Variants in SCUBE3 observed in about 807,000 individuals in gnomAD.
SCUBE3 encodes the protein signal peptide, CUB and EGF-like domain-containing protein 3.
SCUBE3 carries 33 observed loss-of-function variants against 116.8 expected under a neutral mutation model. The observed-to-expected ratio is 0.28, with a 90% CI of 0.21 to 0.38. SCUBE3 has a LOEUF of 0.38. Ranked by LOEUF, SCUBE3 falls within the 10% of genes least tolerant of loss-of-function variation. The probability of loss-of-function intolerance (pLI) is 1.00; values close to 1 mark genes in which losing one functional copy is unlikely to be tolerated. For synonymous variants in SCUBE3, 418 were observed against 496.9 expected (o/e 0.84, Z 2.11); for missense variants, 1,007 against 1,324.8 (o/e 0.76, Z 3.72).
rs756347050 is a variant in SCUBE3 at position 35,241,107 on chromosome 6, CGTT to C, written c.1070-30_1070-28del. The C allele has an allele frequency of 2.6e-6, 4 of 1,563,148 alleles. No individual in the cohort carries two copies. In the African/African-American group the frequency reaches 5.4e-5, roughly 21 times the overall value. ...TCTCCGGCTCCTCCTCCAACTCCAT[CGTT>C]GTTTTTCTGTCTCCCTACTCCTTCC... On this transcript the variant is annotated intron_variant, in intron 9 of 21. Transcript: ENST00000274938. The surrounding 1 kb of genome is among the most constrained non-coding windows in gnomAD (Gnocchi z 4.1).
At position 35,214,439 on chromosome 6, in the gene SCUBE3, C is replaced by G. The variant is rs750188435; in HGVS notation, c.21C>G (p.Pro7=). 6.7e-7 allele frequency: 1 copy of G among 1,484,568 alleles called. No homozygotes were observed. Among genetic ancestry groups the G allele is most frequent in the East Asian group, 2.9e-5 (1 of 34,638 alleles). The allele number at this position is 1,484,568 out of a possible 1,614,324, so 92.0% of individuals were successfully genotyped here. Residue 7 remains proline, a synonymous_variant, in exon 1 of 22, where the codon CCC becomes CCG. Coordinates refer to ENST00000274938, the MANE Select transcript of SCUBE3 (RefSeq NM_152753.4). The surrounding 1 kb of genome is among the most constrained non-coding windows in gnomAD (Gnocchi z 6.3). MGSGRV[P]GLCLLVLLVH... ...CAGCCATGGGCTCGGGGCGCGTACCCGGGCTCTGCCTGCTTGTCCTGCTGG... is the reference window on the plus strand; with the variant it reads ...CAGCCATGGGCTCGGGGCGCGTACCGGGGCTCTGCCTGCTTGTCCTGCTGG...
In SCUBE3 at chr6:35,241,766, G is replaced by A. The variant is rs1704972085; in HGVS notation, c.1313-40G>A. On this transcript the variant is annotated intron_variant, in intron 11 of 21. Transcript: ENST00000274938. This position sits in a 1 kb window ranked among gnomAD's most constrained non-coding sequence, Gnocchi z 4.1. ...TGGATTCCTCCAGCCAGCGGGGGTT[G>A]GGAAGGCAGGTCAGAACTGTGACAG... 1 of 1,558,634 alleles carries A rather than the reference G, an allele frequency of 6.4e-7. No homozygotes were observed. Among genetic ancestry groups the A allele is most frequent in the African/African-American group, 1.4e-5 (1 of 73,870 alleles).
At position 35,252,645 on chromosome 6, in the gene SCUBE3, T is replaced by C. The variant is rs1191907280; in HGVS notation, c.*3940T>C. On this transcript the variant is annotated 3_prime_UTR_variant, in exon 22 of 22. Coordinates refer to ENST00000274938, the MANE Select transcript of SCUBE3 (RefSeq NM_152753.4). ...AGTGGGAGCGAACAACACAAGGATA[T>C]TTTTACATTTGACCCGTCTCAAAAG... 6.6e-6 allele frequency: 1 copy of C among 152,232 alleles called. No homozygotes were observed. The highest frequency in any genetic ancestry group is 2.4e-5 in the African/African-American group (1 of 41,468). 9.4% of individuals were successfully genotyped at this position (152,232 alleles called of 1,614,324 possible).
At position 35,240,170 on chromosome 6, in the gene SCUBE3, G is replaced by C. The variant is rs1315393622; in HGVS notation, c.953-204G>C. 6.6e-6 allele frequency among the ~76,000 whole-genome samples: 1 copy of C among 152,118 alleles called. No homozygotes were observed. The highest frequency in any genetic ancestry group is 1.5e-5 in the Non-Finnish European group (1 of 68,038). ...CCCTGACCTAAAGGCACCAGATCTT[G>C]CAGTTCCTAATTCCAAGGACTTCAA... On this transcript the variant is annotated intron_variant, in intron 8 of 21. Transcript: ENST00000274938. This position sits in a 1 kb window ranked among gnomAD's most constrained non-coding sequence, Gnocchi z 4.6.
intron 12 of SCUBE3, 82 bp from the exon 13 acceptor site, chr6:35,242,122 A>C (rs1394244868): frequency 1.9e-6 from 2 of 1,043,098 alleles, no homozygotes; most frequent in East Asian, 4.8e-5. Flanking sequence ...CTGGCTTATT[A>C]CCCAGCTTCT....
intron 1 of SCUBE3, among the ~76,000 whole-genome samples, chr6:35,217,148 A>G (rs113738673): frequency 0.013 from 1,855 of 147,926 alleles, 50 homozygotes; most frequent in African/African-American, 0.043. Flanking sequence ...AAGTAGACAG[A>G]CTGGATAACC....
intron 1 of SCUBE3, chr6:35,221,202 G>A (rs1459339990): frequency 6.6e-6 from 1 of 152,182 alleles, no homozygotes; most frequent in African/African-American, 2.4e-5. Context: ...ATCTGTTGAA[G>A]GGGATGCTCT....
intron 14 of SCUBE3, 46 bp downstream of exon 14, chr6:35,242,826 A>C (rs1290216958): frequency 6.3e-7 from 1 of 1,599,852 alleles, no homozygotes; most frequent in Non-Finnish European, 8.6e-7. Context: ...AGGGGAGGGC[A>C]GAGGTGGGGA....
In SCUBE3 at chr6:35,214,514, A is replaced by G; in HGVS notation, c.85+11A>G. 1 of 1,463,558 alleles carries G rather than the reference A, an allele frequency of 6.8e-7. No individual in the cohort carries two copies. The highest frequency in any genetic ancestry group is 9.0e-7 in the Non-Finnish European group (1 of 1,106,036). 90.7% of individuals were successfully genotyped at this position (1,463,558 alleles called of 1,614,324 possible). On this transcript the variant is annotated intron_variant, in intron 1 of 21. Coordinates refer to ENST00000274938, the MANE Select transcript of SCUBE3 (RefSeq NM_152753.4). This position sits in a 1 kb window ranked among gnomAD's most constrained non-coding sequence, Gnocchi z 6.3. ...GCAAAGCCGCGCAAGGTAAGGAAGG[A>G]GGGGCGCGCGGCCTGGGGGCTGTCC...
Position 35,243,312 on chromosome 6 carries a change from G to A in SCUBE3, c.1909+76G>A, listed in dbSNP as rs1319324593. ...CTGACTCAGAGCAGGACCCTTTGTG[G>A]CCTCAGATGCATTTCTCAAATTATG... is the stretch of plus-strand genomic sequence containing the variant. On this transcript the variant is annotated intron_variant, in intron 15 of 21. Coordinates refer to ENST00000274938, the MANE Select transcript of SCUBE3 (RefSeq NM_152753.4). The surrounding 1 kb of genome is among the most constrained non-coding windows in gnomAD (Gnocchi z 6.6). 6.4e-6 allele frequency: 8 copies of A among 1,247,132 alleles called. No homozygotes were observed. The highest frequency in any genetic ancestry group is 8.1e-6 in the Non-Finnish European group (7 of 867,018). 77.3% of individuals were successfully genotyped at this position (1,247,132 alleles called of 1,614,324 possible).
Position 35,214,564 on chromosome 6 carries a change from G to A in SCUBE3, c.85+61G>A. On this transcript the variant is annotated intron_variant, in intron 1 of 21. Coordinates refer to ENST00000274938, the MANE Select transcript of SCUBE3 (RefSeq NM_152753.4). The surrounding 1 kb of genome is among the most constrained non-coding windows in gnomAD (Gnocchi z 6.3). Reference sequence around the variant, plus strand: ...CTGGCTGCTGGGCCTCAGGGCCTAGGAGCGATTCCCGAGGGGCAGGGCAGG... The same window carrying A: ...CTGGCTGCTGGGCCTCAGGGCCTAGAAGCGATTCCCGAGGGGCAGGGCAGG... 8.9e-7 allele frequency: 1 copy of A among 1,122,136 alleles called. No homozygotes were observed. Among genetic ancestry groups the A allele is most frequent in the Non-Finnish European group, 1.2e-6 (1 of 834,988 alleles). The allele number at this position is 1,122,136 out of a possible 1,614,324, so 69.5% of individuals were successfully genotyped here. A position where few individuals can be genotyped will look rare whatever the true frequency, so the allele number is the denominator to read the frequency against.
In SCUBE3 at chr6:35,248,654, C is replaced by T; in HGVS notation, c.2931C>T (p.Phe977=). The T allele has an allele frequency of 6.2e-7, 1 of 1,614,092 alleles. No homozygotes were observed. The highest frequency in any genetic ancestry group is 8.5e-7 in the Non-Finnish European group (1 of 1,179,984). The part of the protein sequence containing the change: ...EKHKEMLPKS[F]IKLLRSKVSS... ...ACAAGGAGATGCTGCCAAAATCCTT[C>T]ATCAAGCTGCTCCGCTCCAAAGTTT... The change falls in exon 22 of 22, where the codon TTC becomes TTT. Residue 977 remains phenylalanine, a synonymous_variant. Coordinates refer to ENST00000274938, the MANE Select transcript of SCUBE3 (RefSeq NM_152753.4).
In SCUBE3 at chr6:35,239,618, A is replaced by G. The variant is rs1366290066; in HGVS notation, c.830-134A>G. On this transcript the variant is annotated intron_variant, in intron 7 of 21. Transcript: ENST00000274938. This position sits in a 1 kb window ranked among gnomAD's most constrained non-coding sequence, Gnocchi z 4.1. Reference sequence around the variant, plus strand: ...AGGAAAGAGAAAGAGAAAGAGACAGAGAGAGATCAAGAAGAGGCAGGCCCA... The same window carrying G: ...AGGAAAGAGAAAGAGAAAGAGACAGGGAGAGATCAAGAAGAGGCAGGCCCA... The G allele has an allele frequency of 5.5e-6, 4 of 729,594 alleles. No homozygotes were observed. The highest frequency in any genetic ancestry group is 9.3e-6 in the Non-Finnish European group (4 of 430,582). The allele number at this position is 729,594 out of a possible 1,614,324, so 45.2% of individuals were successfully genotyped here. A position where few individuals can be genotyped will look rare whatever the true frequency, so the allele number is the denominator to read the frequency against.
In SCUBE3 at chr6:35,244,584, C is replaced by T. The variant is rs886510278; in HGVS notation, c.2240-66C>T. The T allele has an allele frequency of 1.3e-5, 17 of 1,284,414 alleles. No homozygotes were observed. In the African/African-American group the frequency reaches 1.9e-4, roughly 14 times the overall value. The allele number at this position is 1,284,414 out of a possible 1,614,324, so 79.6% of individuals were successfully genotyped here. The stretch of plus-strand genomic sequence containing the variant: ...TTCTCCAGGATGAATGTATCCTGTC[C>T]ATCCCATGCCCCGTAACTCCCACCT... On this transcript the variant is annotated intron_variant, in intron 17 of 21. Coordinates refer to ENST00000274938, the MANE Select transcript of SCUBE3 (RefSeq NM_152753.4). This position sits in a 1 kb window ranked among gnomAD's most constrained non-coding sequence, Gnocchi z 4.3.
Position 35,246,115 on chromosome 6 carries a change from T to C in SCUBE3, c.2752+19T>C, listed in dbSNP as rs548000285. 6.2e-7 allele frequency: 1 copy of C among 1,613,134 alleles called. No individual in the cohort carries two copies. The highest frequency in any genetic ancestry group is 1.3e-5 in the African/African-American group (1 of 74,780). On this transcript the variant is annotated intron_variant, in intron 20 of 21. Coordinates refer to ENST00000274938, the MANE Select transcript of SCUBE3 (RefSeq NM_152753.4). ...TATGATGGTAAGCCAAGGAGGTGGG[T>C]GAGAAGGGGAGGTATGTCAGTTTTG...
intron 1 of SCUBE3, among the ~76,000 whole-genome samples, chr6:35,215,154 C>T (rs1268467724): frequency 1.3e-5 from 2 of 152,130 alleles, no homozygotes; most frequent in Non-Finnish European, 2.9e-5. Context: ...GCTTTCATTT[C>T]TTATCATAAT....
At chr6:35,225,357 G>A (rs896465920) in intron 1 of SCUBE3, among the ~76,000 whole-genome samples, 1 of 152,216 alleles carries the variant, frequency 6.6e-6, no homozygotes, top group Admixed American at 6.5e-5. Context: ...ACATTTCTTT[G>A]TACTGTTTTC....
Position 35,231,577 on chromosome 6 carries a change from T to C in SCUBE3, c.335-148T>C, listed in dbSNP as rs570268267. ...CAGCCTTTTTACACTTAGTGAAATA[T>C]TAGCTGACAAGGGTGTGAGGACTTC... On this transcript the variant is annotated intron_variant, in intron 3 of 21. Coordinates refer to ENST00000274938, the MANE Select transcript of SCUBE3 (RefSeq NM_152753.4). The surrounding 1 kb of genome is among the most constrained non-coding windows in gnomAD (Gnocchi z 4.2). The C allele has an allele frequency of 6.8e-5, 38 of 562,742 alleles. No homozygotes were observed. In the African/African-American group the frequency reaches 7.0e-4, roughly 10 times the overall value. The allele number at this position is 562,742 out of a possible 1,614,324, so 34.9% of individuals were successfully genotyped here. A position where few individuals can be genotyped will look rare whatever the true frequency, so the allele number is the denominator to read the frequency against.
Position 35,241,124 on chromosome 6 carries a change from C to T in SCUBE3, c.1070-17C>T. ...AACTCCATCGTTGTTTTTCTGTCTC[C>T]CTACTCCTTCCCCCAGATGTGGATG... On this transcript the variant is annotated splice_polypyrimidine_tract_variant and intron_variant, in intron 9 of 21. Coordinates refer to ENST00000274938, the MANE Select transcript of SCUBE3 (RefSeq NM_152753.4). This position sits in a 1 kb window ranked among gnomAD's most constrained non-coding sequence, Gnocchi z 4.1. The T allele has an allele frequency of 6.3e-7, 1 of 1,580,052 alleles. No homozygotes were observed. The highest frequency in any genetic ancestry group is 8.7e-7 in the Non-Finnish European group (1 of 1,155,172).
Sources: gnomAD v4.1 joint callset for allele counts (sites outside exome capture counted in the v4.1 genomes callset) on GRCh38, gnomAD v4.1.1 for gene constraint, Gnocchi (gnomAD v3.1) non-coding constraint, MANE v1.5 for transcripts, NCBI Gene and HGNC (gene_info 2026-07-23, HGNC 2026-07-21) for gene names.